SRP72: variants seen among roughly 807,000 people sequenced by gnomAD.
SRP72 encodes the protein signal recognition particle 72, also known as signal recognition particle subunit SRP72.
A neutral mutation model predicts 96.3 loss-of-function variants in SRP72; 49 were observed. That is an observed-to-expected ratio of 0.51 (90% CI 0.40 to 0.65). The LOEUF (loss-of-function observed/expected upper bound fraction) is 0.65, where lower values mean the gene tolerates loss of function less well. SRP72 is among the 30% of genes least tolerant of loss of function. The pLI, the probability that SRP72 is intolerant of heterozygous loss-of-function variation, is 0.00. For synonymous variants in SRP72, 267 were observed against 275.2 expected (o/e 0.97, Z 0.30); for missense variants, 736 against 793.3 (o/e 0.93, Z 0.87).
At chr4:56,476,465 AAAGC>A (rs1255413488) in intron 5 of SRP72, 1 of 560,422 alleles carries the variant, frequency 1.8e-6, no homozygotes, top group African/African-American at 1.9e-5. Flanking sequence ...ACAACAAATG[AAAGC>A]AAAGTGCCAA....
chr4:56,475,190 T>C (rs1402413729), intron 5 of SRP72, among the ~76,000 whole-genome samples: 1 of 152,088 alleles, frequency 6.6e-6, no homozygotes, highest in African/African-American at 2.4e-5. Flanking sequence ...GATCACAGTT[T>C]ACTGTCAAAT....
intron 3 of SRP72, 91 bp from the exon 4 acceptor site, chr4:56,473,963 C>G (rs897267201): frequency 3.1e-6 from 4 of 1,296,406 alleles, no homozygotes; most frequent in African/African-American, 3.0e-5. Context: ...AACTAGGATT[C>G]CTACTTAGTG....
rs531708551 is a variant in SRP72 at position 56,483,645 on chromosome 4, G to T, written c.957+375G>T. ...GATTGTGCCACTTCACTCCAGCCTGGGCAACAGAGAGAGACTGTCTCCAAA... is the reference window on the plus strand; with the variant it reads ...GATTGTGCCACTTCACTCCAGCCTGTGCAACAGAGAGAGACTGTCTCCAAA... On this transcript the variant is annotated intron_variant, in intron 9 of 18. Coordinates refer to ENST00000642900, the MANE Select transcript of SRP72 (RefSeq NM_006947.4). Among the ~76,000 whole-genome samples the T allele has an allele frequency of 1.4e-4, 22 of 151,730 alleles. No individual in the cohort carries two copies. The South Asian group carries it at 3.3e-3, about 23-fold the overall frequency.
intron 3 of SRP72, among the ~76,000 whole-genome samples, chr4:56,472,139 T>C (rs1254407790): frequency 6.6e-6 from 1 of 152,236 alleles, no homozygotes; most frequent in Non-Finnish European, 1.5e-5. Context: ...AGCTTGTATA[T>C]TAAACAGATT....
At chr4:56,486,274 T>C (rs779815984) in intron 10 of SRP72, 51 bp from the exon 11 acceptor site, 18 of 1,346,422 alleles carry the variant, frequency 1.3e-5, no homozygotes, top group Admixed American at 1.3e-4. Flanking sequence ...TGTATACAAT[T>C]AGTTGTGTAA....
intron 8 of SRP72, 138 bp from the exon 9 acceptor site, chr4:56,483,001 A>G: frequency 1.5e-6 from 1 of 649,458 alleles, no homozygotes; most frequent in Admixed American, 3.2e-5. Flanking sequence ...ATAAATTTAT[A>G]TGCATCTTAT....
chr4:56,469,776 A>T lies in SRP72; in HGVS notation c.230+3A>T, dbSNP rs1254010184. On this transcript the variant is annotated splice_donor_region_variant and intron_variant, in intron 2 of 18. Coordinates refer to ENST00000642900, the MANE Select transcript of SRP72 (RefSeq NM_006947.4). ...ACTCACACCAAAGTGTTAGCCAAGT[A>T]AGTGATTCAGTTAGTTGCTTGTACA... 6.2e-7 allele frequency: 1 copy of T among 1,603,814 alleles called. No individual in the cohort carries two copies. The highest frequency in any genetic ancestry group is 8.5e-7 in the Non-Finnish European group (1 of 1,172,478).
intron 16 of SRP72, among the ~76,000 whole-genome samples, chr4:56,492,855 A>C (rs1213372756): frequency 6.6e-6 from 1 of 152,114 alleles, no homozygotes; most frequent in Non-Finnish European, 1.5e-5. Flanking sequence ...AGCCTGGCAT[A>C]GTGGCTCTGT....
rs576214888 is a variant in SRP72 at position 56,477,089 on chromosome 4, A to G, written c.642+387A>G. ...TTCTTTTTAAGTGTAACAATATCTT[A>G]AATACAGTTGGTAAGCACTTCCATT... On this transcript the variant is annotated intron_variant, in intron 6 of 18. Transcript: ENST00000642900. The G allele has an allele frequency of 1.3e-3, 217 of 163,016 alleles. 1 individual carries two copies. Among genetic ancestry groups the G allele is most frequent in the South Asian group, 2.9e-3 (15 of 5,150 alleles). 10.1% of individuals were successfully genotyped at this position (163,016 alleles called of 1,614,324 possible). A position where few individuals can be genotyped will look rare whatever the true frequency, so the allele number is the denominator to read the frequency against.
At chr4:56,476,421 T>C (rs1225047320) in intron 5 of SRP72, 6 of 486,408 alleles carry the variant, frequency 1.2e-5, no homozygotes, top group Non-Finnish European at 2.1e-5. Context: ...ATTTGTATTT[T>C]TTAATGCACT....
At chr4:56,499,220 A>G (rs2110133268) in intron 17 of SRP72, among the ~76,000 whole-genome samples, 1 of 152,298 alleles carries the variant, frequency 6.6e-6, no homozygotes, top group East Asian at 1.9e-4. Context: ...CCTTATACAA[A>G]AATTAACTCA....
chr4:56,473,898 A>G lies in SRP72; in HGVS notation c.355-156A>G, dbSNP rs538363158. Among the ~76,000 whole-genome samples the G allele has an allele frequency of 8.3e-4, 126 of 152,382 alleles. 1 individual carries two copies. Among genetic ancestry groups the G allele is most frequent in the African/African-American group, 3.0e-3 (125 of 41,590 alleles). On this transcript the variant is annotated intron_variant, in intron 3 of 18. Coordinates refer to ENST00000642900, the MANE Select transcript of SRP72 (RefSeq NM_006947.4). ...ATTTATTTGAAAGTATGACTAGTAC[A>G]TGGAACTATTTAAAAATTATAAAAC...
intron 10 of SRP72, among the ~76,000 whole-genome samples, chr4:56,485,400 C>CCAAAAA (rs766330733): frequency 2.2e-5 from 2 of 92,454 alleles, no homozygotes; most frequent in Admixed American, 1.0e-4. Flanking sequence ...CTCCCCACAG[C>CCAAAAA]AAAAAAAAAA....
chr4:56,500,676 G>A lies in SRP72; in HGVS notation c.1819G>A (p.Ala607Thr), dbSNP rs200703570. Residue 607 changes from alanine to threonine, a missense_variant, in exon 18 of 19, where the codon GCA (alanine) becomes ACA (threonine). Physicochemically the swap from Ala to Thr is moderately conservative, Grantham distance 58. Coordinates refer to ENST00000642900, the MANE Select transcript of SRP72 (RefSeq NM_006947.4). The stretch of plus-strand genomic sequence containing the variant: ...TGGAAAAGGGACCCAGGGAGCAACT[G>A]CAGGAGCTTCATCTGAACTGTAAGT... Reference protein sequence around the residue: ...QIGKGTQGATAGASSELDASK... With the variant: ...QIGKGTQGATTGASSELDASK... 3 of 1,613,756 alleles carry A rather than the reference G, an allele frequency of 1.9e-6. No individual in the cohort carries two copies. The African/African-American group carries it at 4.0e-5, about 22-fold the overall frequency.
chr4:56,473,397 G>T (rs1408416326), intron 3 of SRP72, among the ~76,000 whole-genome samples: 1 of 151,418 alleles, frequency 6.6e-6, no homozygotes, highest in Admixed American at 6.6e-5. Flanking sequence ...GGCGGAGCTT[G>T]CAGTGAGCCG....
intron 8 of SRP72, among the ~76,000 whole-genome samples, chr4:56,480,781 T>G (rs1451157935): frequency 6.6e-6 from 1 of 152,210 alleles, no homozygotes; most frequent in East Asian, 1.9e-4. Flanking sequence ...ATTGTTCATG[T>G]TTAAATTTTT....
intron 6 of SRP72, 39 bp from the exon 7 acceptor site, chr4:56,478,340 T>C: frequency 6.5e-7 from 1 of 1,534,340 alleles, no homozygotes; most frequent in South Asian, 1.3e-5. Flanking sequence ...GTAGATCAGT[T>C]TGGAAAATTT....
intron 11 of SRP72, among the ~76,000 whole-genome samples, chr4:56,487,405 C>G (rs1720751085): frequency 6.6e-6 from 1 of 152,104 alleles, no homozygotes; most frequent in Non-Finnish European, 1.5e-5. Context: ...TTTACTTGAT[C>G]TTTCCTCCTA....
At chr4:56,486,177 T>C (rs1246645587) in intron 10 of SRP72, 148 bp from the exon 11 acceptor site, 4 of 553,122 alleles carry the variant, frequency 7.2e-6, no homozygotes, top group Non-Finnish European at 1.2e-5. Flanking sequence ...TGAATAAAAA[T>C]TTCCCCAAGT....
Sources: allele counts gnomAD v4.1 joint callset (sites outside exome capture counted in the v4.1 genomes callset), GRCh38; gene constraint gnomAD v4.1.1; transcripts MANE v1.5; gene names NCBI Gene and HGNC (gene_info 2026-07-23, HGNC 2026-07-21).